CDH13: variants seen among roughly 807,000 people sequenced by gnomAD.
CDH13 encodes the protein cadherin 13, also known as cadherin-13.
A neutral mutation model predicts 63.8 loss-of-function variants in CDH13; 24 were observed. The ratio of observed to expected loss-of-function variants is 0.38; its 90% CI spans 0.27 to 0.53. The LOEUF is 0.53. CDH13 is among the 20% of genes least tolerant of loss of function. The pLI, the probability that CDH13 is intolerant of heterozygous loss-of-function variation, is 0.85. For missense variants in CDH13, 1,049 were observed against 903.1 expected, an observed-to-expected ratio of 1.16 and a Z score of -2.07; for synonymous variants, 503 against 355.3, an observed-to-expected ratio of 1.42 and a Z score of -4.67.
rs186269172 is a variant in CDH13 at position 83,765,721 on chromosome 16, A to C, written c.1682-14247A>C. Among the ~76,000 whole-genome samples the C allele has an allele frequency of 2.8e-3, 421 of 152,306 alleles. 1 individual carries two copies. Among genetic ancestry groups the C allele is most frequent in the African/African-American group, 9.8e-3 (407 of 41,568 alleles). On this transcript the variant is annotated intron_variant, in intron 11 of 13. Transcript: ENST00000567109. The stretch of plus-strand genomic sequence containing the variant: ...GCTGAAAAACCATATTAAAGAGAAC[A>C]CAAAGTATAAAATAAAACAAAGGAT...
chr16:83,439,989 T>G (rs979888319), intron 6 of CDH13, among the ~76,000 whole-genome samples: 1 of 151,696 alleles, frequency 6.6e-6, no homozygotes, highest in Non-Finnish European at 1.5e-5. Context: ...AAGGAGAGAG[T>G]AGGGCTGATG....
intron 3 of CDH13, among the ~76,000 whole-genome samples, chr16:83,032,814 GAGAGTGAAAGAAATGT>G (rs375559589): frequency 3.9e-5 from 6 of 152,318 alleles, no homozygotes; most frequent in African/African-American, 1.4e-4. Flanking sequence ...CTCATGGACT[GAGAGTGAAAGAAATGT>G]AGTTCCTCAA....
chr16:82,730,175 A>G (rs144281106), intron 1 of CDH13, among the ~76,000 whole-genome samples: 2,159 of 152,324 alleles, frequency 0.014, 22 homozygotes, highest in Non-Finnish European at 0.022. Context: ...ATTTCATTCA[A>G]GAGCTTTCTT....
intron 1 of CDH13, among the ~76,000 whole-genome samples, chr16:82,669,668 CTT>C (rs1461122820): frequency 6.6e-6 from 1 of 152,190 alleles, no homozygotes; most frequent in Non-Finnish European, 1.5e-5. Flanking sequence ...TGTTTCTTCT[CTT>C]GTGATTAGTT....
rs144380148 is a variant in CDH13 at position 83,215,968 on chromosome 16, A to C, written c.484-1377A>C. Among the ~76,000 whole-genome samples, 935 of 151,988 alleles carry C rather than the reference A, an allele frequency of 6.2e-3. 9 individuals are homozygous for C. Among genetic ancestry groups the C allele is most frequent in the African/African-American group, 0.021 (866 of 41,410 alleles). On this transcript the variant is annotated intron_variant, in intron 4 of 13. Transcript: ENST00000567109. ...GCCAATAATAGTTCTCTTTAGTTGC[A>C]CATCTACATAAAAAGACCACCCCCC...
At chr16:83,004,207 G>T (rs1913236611) in intron 2 of CDH13, among the ~76,000 whole-genome samples, 2 of 152,168 alleles carry the variant, frequency 1.3e-5, no homozygotes, top group Non-Finnish European at 2.9e-5. Flanking sequence ...GTGTTCCCTT[G>T]CAGCGGGTTT....
At chr16:83,567,021 T>G (rs12103199) in intron 7 of CDH13, among the ~76,000 whole-genome samples, 1,858 of 152,286 alleles carry the variant, frequency 0.012, 31 homozygotes, top group African/African-American at 0.043. Flanking sequence ...TGTCATACAG[T>G]TCTAGGCTCT....
chr16:82,924,398 C>A (rs141024081), intron 2 of CDH13, among the ~76,000 whole-genome samples: 1 of 152,132 alleles, frequency 6.6e-6, no homozygotes. Context: ...TGAAACCCAT[C>A]TAGTAATACA....
chr16:83,712,006 G>T (rs1275721388), intron 10 of CDH13, among the ~76,000 whole-genome samples: 2 of 152,154 alleles, frequency 1.3e-5, no homozygotes, highest in African/African-American at 4.8e-5. Flanking sequence ...CTTGTAGATG[G>T]CTGTCTTCTC....
intron 2 of CDH13, among the ~76,000 whole-genome samples, chr16:82,904,211 A>C (rs1197829197): frequency 1.3e-5 from 2 of 152,198 alleles, no homozygotes; most frequent in African/African-American, 4.8e-5. Context: ...CATCTTTTGT[A>C]ATAAATACAA....
chr16:83,720,000 C>T (rs1471135262), intron 10 of CDH13, among the ~76,000 whole-genome samples: 1 of 152,176 alleles, frequency 6.6e-6, no homozygotes, highest in Non-Finnish European at 1.5e-5. Context: ...ATCAGCGAGC[C>T]TCCATTTTCC....
intron 10 of CDH13, among the ~76,000 whole-genome samples, chr16:83,720,065 C>T (rs1909484750): frequency 6.6e-6 from 1 of 152,122 alleles, no homozygotes; most frequent in Non-Finnish European, 1.5e-5. Context: ...GAAGATGGCA[C>T]TAAATGAGAA....
chr16:83,666,405 A>G (rs934073803), intron 8 of CDH13, among the ~76,000 whole-genome samples: 3 of 152,256 alleles, frequency 2.0e-5, no homozygotes, highest in African/African-American at 7.2e-5. Flanking sequence ...AACAAATACT[A>G]TAATAATTGT....
At chr16:83,700,773 A>G (rs754884084) in intron 10 of CDH13, among the ~76,000 whole-genome samples, 12 of 152,162 alleles carry the variant, frequency 7.9e-5, no homozygotes, top group Non-Finnish European at 1.2e-4. Flanking sequence ...GGCCACCATT[A>G]TATTTCATTT....
chr16:83,577,760 A>G (rs1905192514), intron 7 of CDH13, among the ~76,000 whole-genome samples: 1 of 152,184 alleles, frequency 6.6e-6, no homozygotes, highest in Admixed American at 6.5e-5. Flanking sequence ...GCCCTTAACC[A>G]TTATATTTTG....
At chr16:83,778,879 G>C (rs1441041372) in intron 11 of CDH13, among the ~76,000 whole-genome samples, 1 of 152,184 alleles carries the variant, frequency 6.6e-6, no homozygotes, top group Non-Finnish European at 1.5e-5. Context: ...CTCAGTTAGA[G>C]TAGAGCTACA....
chr16:83,281,301 C>T (rs952294194), intron 5 of CDH13, among the ~76,000 whole-genome samples: 8 of 152,184 alleles, frequency 5.3e-5, no homozygotes, highest in Non-Finnish European at 7.3e-5. Context: ...AACCAACCTC[C>T]GTTAGGTTCA....
chr16:83,012,089 T>C lies in CDH13; in HGVS notation c.158-19921T>C, dbSNP rs1055339445. 2.4e-4 allele frequency among the ~76,000 whole-genome samples: 37 copies of C among 152,186 alleles called. 1 individual carries two copies. The highest frequency in any genetic ancestry group is 8.7e-4 in the African/African-American group (36 of 41,440). On this transcript the variant is annotated intron_variant, in intron 2 of 13. Coordinates refer to ENST00000567109, the MANE Select transcript of CDH13 (RefSeq NM_001257.5). ...ATTTGAAAGTTGAAAGAGGAACTCATTGGTGATACACTGGCTTAAAAAACT... is the reference window on the plus strand; with the variant it reads ...ATTTGAAAGTTGAAAGAGGAACTCACTGGTGATACACTGGCTTAAAAAACT...
intron 2 of CDH13, among the ~76,000 whole-genome samples, chr16:82,877,366 T>C (rs2040540621): frequency 6.6e-6 from 1 of 152,214 alleles, no homozygotes. Context: ...TTGTTCCTGG[T>C]TTAGAGCCTT....
Sources: gnomAD v4.1 joint callset for allele counts (sites outside exome capture counted in the v4.1 genomes callset) on GRCh38, gnomAD v4.1.1 for gene constraint, MANE v1.5 for transcripts, NCBI Gene and HGNC (gene_info 2026-07-23, HGNC 2026-07-21) for gene names.